Variants in MAGI3 observed in about 807,000 individuals in gnomAD.
MAGI3 encodes membrane associated guanylate kinase, WW and PDZ domain containing 3.
A neutral mutation model predicts 121.8 loss-of-function variants in MAGI3; 43 were observed. That is an observed-to-expected ratio of 0.35 (90% CI 0.28 to 0.46). The LOEUF is 0.46. Among genes scored for constraint, MAGI3 ranks in the 20% least tolerant of loss-of-function variants. The pLI is 1.00. For missense variants in MAGI3, 1,547 were observed against 1,797.3 expected (o/e 0.86, Z 2.52); for synonymous variants, 553 against 639.3 (o/e 0.86, Z 2.04).
chr1:113,489,238 C>T (rs1227978772), intron 1 of MAGI3, among the ~76,000 whole-genome samples: 1 of 148,128 alleles, frequency 6.8e-6, no homozygotes, highest in East Asian at 2.3e-4. Flanking sequence ...CAATGCAAGT[C>T]CGCCAGAGTT....
chr1:113,449,425 T>C (rs1185818699), intron 1 of MAGI3, among the ~76,000 whole-genome samples: 1 of 151,688 alleles, frequency 6.6e-6, no homozygotes, highest in African/African-American at 2.4e-5. Flanking sequence ...AATCATGTAA[T>C]ATTAAGAAAA....
chr1:113,566,690 T>A (rs1660445188), intron 2 of MAGI3, among the ~76,000 whole-genome samples: 1 of 152,048 alleles, frequency 6.6e-6, no homozygotes, highest in Non-Finnish European at 1.5e-5. Flanking sequence ...AAACAGTGTG[T>A]TCTTAAACAA....
chr1:113,645,022 CTTTTTT>C (rs10548467), intron 11 of MAGI3, among the ~76,000 whole-genome samples: 1 of 104,370 alleles, frequency 9.6e-6, no homozygotes, highest in Non-Finnish European at 1.9e-5. Context: ...AGCTTCTGGC[CTTTTTT>C]TTTTTTTTTT....
chr1:113,565,181 A>G (rs982777026), intron 2 of MAGI3, among the ~76,000 whole-genome samples: 2 of 152,128 alleles, frequency 1.3e-5, no homozygotes, highest in Admixed American at 6.6e-5. Flanking sequence ...CAAAGTATCA[A>G]TTGTTTTATC....
chr1:113,450,181 G>A, intron 1 of MAGI3: 1 of 1,539,296 alleles, frequency 6.5e-7, no homozygotes, highest in South Asian at 1.1e-5. Context: ...TGATAAAATT[G>A]TTGTTCAGAA....
chr1:113,504,942 T>A (rs1442076836), intron 1 of MAGI3, among the ~76,000 whole-genome samples: 1 of 152,208 alleles, frequency 6.6e-6, no homozygotes, highest in Non-Finnish European at 1.5e-5. Flanking sequence ...TACAGAAGTA[T>A]GTATTAATAT....
chr1:113,514,642 G>C (rs1192361382), intron 1 of MAGI3, among the ~76,000 whole-genome samples: 3 of 152,042 alleles, frequency 2.0e-5, no homozygotes, highest in African/African-American at 7.2e-5. Context: ...TGGGGGAGGG[G>C]GAGGGATAGC....
Position 113,659,248 on chromosome 1 carries a change from C to CTAG in MAGI3, c.2798_2799insTAG (p.Thr933_Val934insArg), listed in dbSNP as rs1653651230. Reference sequence around the variant, plus strand: ...GATGCTGGTGTCACCGTCACACTAACGGTCATTGCTGAAGAAGGTAAGGAG... The same window carrying CTAG: ...GATGCTGGTGTCACCGTCACACTAACTAGGGTCATTGCTGAAGAAGGTAAGGAG... On this transcript the variant is annotated inframe_insertion, in exon 16 of 21. Transcript: ENST00000307546. 6.2e-7 allele frequency: 1 copy of CTAG among 1,613,526 alleles called. No individual in the cohort carries two copies. Among genetic ancestry groups the CTAG allele is most frequent in the Non-Finnish European group, 8.5e-7 (1 of 1,179,876 alleles).
chr1:113,539,579 C>T (rs1217842579), intron 1 of MAGI3, among the ~76,000 whole-genome samples: 1 of 151,536 alleles, frequency 6.6e-6, no homozygotes, highest in Non-Finnish European at 1.5e-5. Flanking sequence ...TTTTAGGGTA[C>T]ATGTGCACAA....
At chr1:113,402,880 G>A (rs909577459) in intron 1 of MAGI3, among the ~76,000 whole-genome samples, 4 of 152,138 alleles carry the variant, frequency 2.6e-5, no homozygotes, top group African/African-American at 9.7e-5. Context: ...AAAGGGGATT[G>A]AGGTGGCAGT....
At chr1:113,580,723 A>C in intron 3 of MAGI3, 62 bp downstream of exon 3, 2 of 1,451,834 alleles carry the variant, frequency 1.4e-6, no homozygotes, top group South Asian at 1.6e-5. Flanking sequence ...GAATTATTTC[A>C]GAGGGAATTT....
chr1:113,678,484 A>G (rs1270209117), intron 19 of MAGI3, among the ~76,000 whole-genome samples: 2 of 152,104 alleles, frequency 1.3e-5, no homozygotes, highest in South Asian at 2.1e-4. Context: ...AAATCCATCA[A>G]TCTTGTTTCT....
At chr1:113,392,303 TA>T (rs1368197002) in intron 1 of MAGI3, among the ~76,000 whole-genome samples, 1 of 152,222 alleles carries the variant, frequency 6.6e-6, no homozygotes, top group Non-Finnish European at 1.5e-5. Flanking sequence ...ATTGTAACAT[TA>T]TTAGAAACCA....
chr1:113,522,775 A>AGT (rs1281376808), intron 1 of MAGI3, among the ~76,000 whole-genome samples: 2 of 152,124 alleles, frequency 1.3e-5, no homozygotes, highest in African/African-American at 2.4e-5. Context: ...TATTTCTGTA[A>AGT]GTGTGTGTGT....
chr1:113,596,044 TAATACTAATAC>T (rs1648983063), intron 6 of MAGI3, among the ~76,000 whole-genome samples: 1 of 92,622 alleles, frequency 1.1e-5, no homozygotes, highest in Non-Finnish European at 2.5e-5. Context: ...ATACTAATAC[TAATACTAATAC>T]TAATAATAAT....
chr1:113,651,292 AT>A, intron 14 of MAGI3, 86 bp downstream of exon 14: 1 of 1,291,244 alleles, frequency 7.7e-7, no homozygotes, highest in Non-Finnish European at 1.1e-6. Context: ...AGGTTATTTT[AT>A]TACATTCAGT....
chr1:113,671,861 T>A, intron 17 of MAGI3, 25 bp downstream of exon 17: 4 of 1,604,890 alleles, frequency 2.5e-6, no homozygotes, highest in Non-Finnish European at 3.4e-6. Context: ...AGGTTTTTGT[T>A]TTTGTTTTTT....
chr1:113,394,126 A>G (rs1650967904), intron 1 of MAGI3, among the ~76,000 whole-genome samples: 2 of 152,212 alleles, frequency 1.3e-5, no homozygotes, highest in African/African-American at 2.4e-5. Context: ...AGCCAGTACT[A>G]TCAGCCAGGT....
At chr1:113,420,027 T>TAGA in intron 1 of MAGI3, among the ~76,000 whole-genome samples, 1 of 152,280 alleles carries the variant, frequency 6.6e-6, no homozygotes, top group East Asian at 1.9e-4. Flanking sequence ...TCCAAAGGGA[T>TAGA]AGAATTAGAA....
Sources: gnomAD v4.1 joint callset for allele counts (sites outside exome capture counted in the v4.1 genomes callset) on GRCh38, gnomAD v4.1.1 for gene constraint, MANE v1.5 for transcripts, NCBI Gene and HGNC (gene_info 2026-07-23, HGNC 2026-07-21) for gene names.